The following CEP152 variants were observed in gnomAD, a reference collection of about 807,000 sequenced individuals.
CEP152 encodes the protein centrosomal protein of 152 kDa.
Under a neutral mutation model 188.9 loss-of-function variants are expected in CEP152, and 132 were observed. The observed-to-expected ratio is 0.70, with a 90% CI of 0.61 to 0.81. CEP152 has a LOEUF of 0.81. CEP152 is among the 30% of genes least tolerant of loss of function. The probability of loss-of-function intolerance (pLI) is 0.00; values close to 1 mark genes in which losing one functional copy is unlikely to be tolerated. For synonymous variants in CEP152, 649 were observed against 666.6 expected, an observed-to-expected ratio of 0.97 and a Z score of 0.41; for missense variants, 1,914 against 1,969.8, an observed-to-expected ratio of 0.97 and a Z score of 0.54.
Position 48,756,217 on chromosome 15 carries a change from G to A in CEP152, c.3031C>T (p.Gln1011Ter), listed in dbSNP as rs945108502. 6.2e-7 allele frequency: 1 copy of A among 1,612,764 alleles called. No homozygotes were observed. Among genetic ancestry groups the A allele is most frequent in the Non-Finnish European group, 8.5e-7 (1 of 1,179,272 alleles). Residue 1011 changes from glutamine (Q) to a stop codon, truncating the protein, a stop_gained, in exon 20 of 27, where the codon CAG (glutamine) becomes TAG (stop). Transcript: ENST00000380950. LOFTEE classifies it high-confidence loss of function. ...CAAGTTTGTAATTCTGTCTCCTTCTGAAGAAGTAGTTCAGTTTTTTGTTTC... is the reference window on the plus strand; with the variant it reads ...CAAGTTTGTAATTCTGTCTCCTTCTAAAGAAGTAGTTCAGTTTTTTGTTTC... ...FMKQKTELLLQKETELQTCLD... is the reference protein window; with the variant it reads ...FMKQKTELLL
At chr15:48,793,509 A>G in intron 6 of CEP152, 48 bp from the exon 7 acceptor site, 1 of 1,524,060 alleles carries the variant, frequency 6.6e-7, no homozygotes, top group East Asian at 2.3e-5. Context: ...CAAAATATAA[A>G]TTTATAGTCA....
chr15:48,756,558 A>G lies in CEP152; in HGVS notation c.2695-5T>C. The stretch of plus-strand genomic sequence containing the variant: ...TTCAGAAACAGCAAATGATATCTAA[A>G]GAACATAACAACATGCATTTTGAAA... On this transcript the variant is annotated splice_region_variant and splice_polypyrimidine_tract_variant and intron_variant, in intron 19 of 26. Coordinates refer to ENST00000380950, the MANE Select transcript of CEP152 (RefSeq NM_001194998.2). 1 of 1,603,118 alleles carries G rather than the reference A, an allele frequency of 6.2e-7. No individual in the cohort carries two copies. The highest frequency in any genetic ancestry group is 8.5e-7 in the Non-Finnish European group (1 of 1,179,642).
At chr15:48,803,670 T>A (rs75993070) in intron 2 of CEP152, among the ~76,000 whole-genome samples, 1 of 152,146 alleles carries the variant, frequency 6.6e-6, no homozygotes, top group African/African-American at 2.4e-5. Flanking sequence ...CAGCATACAA[T>A]CTATCAAAGA....
Position 48,797,319 on chromosome 15 carries a change from A to G in CEP152, c.522T>C (p.Pro174=). 5 of 1,614,104 alleles carry G rather than the reference A, an allele frequency of 3.1e-6. No individual in the cohort carries two copies. Among genetic ancestry groups the G allele is most frequent in the Non-Finnish European group, 4.2e-6 (5 of 1,179,996 alleles). Residue 174 remains proline (P), a synonymous_variant, in exon 5 of 27, where the codon CCT becomes CCC. Transcript: ENST00000380950. ...ACAATACCTGAAAATGGTTCCATTG[A>G]GGATCTGAAAATTTAATTACATTGG... ...QATNVIKFSD[P]QWNHFQGPSC...
In CEP152 at chr15:48,748,597, G is replaced by T; in HGVS notation, c.3480C>A (p.Val1160=). The T allele has an allele frequency of 6.7e-7, 1 of 1,483,646 alleles. No individual in the cohort carries two copies. Among genetic ancestry groups the T allele is most frequent in the Non-Finnish European group, 8.9e-7 (1 of 1,122,748 alleles). The allele number at this position is 1,483,646 out of a possible 1,614,324, so 91.9% of individuals were successfully genotyped here. The part of the protein sequence containing the change: ...ATEAEADKKK[V]LEIKDLCCGH... ...CACAGCATAAATCCTTAATTTCAAG[G>T]ACCTTTTTCTTATCTGCAAAAATTA... The change falls in exon 22 of 27, where the codon GTC becomes GTA. Residue 1160 remains valine, a synonymous_variant. Transcript: ENST00000380950.
At chr15:48,788,694 T>A in intron 9 of CEP152, 107 bp downstream of exon 9, 1 of 1,094,264 alleles carries the variant, frequency 9.1e-7, no homozygotes, top group East Asian at 2.4e-5. Flanking sequence ...ATCTAACATT[T>A]ACTACAAACA....
Position 48,767,009 on chromosome 15 carries a change from T to A in CEP152, c.2280+51A>T, listed in dbSNP as rs759348503. The A allele has an allele frequency of 3.7e-6, 6 of 1,605,972 alleles. No homozygotes were observed. The Admixed American group carries it at 1.0e-4, about 27-fold the overall frequency. On this transcript the variant is annotated intron_variant, in intron 17 of 26. Transcript: ENST00000380950. Reference sequence around the variant, plus strand: ...AATGTATTCGTTTAAATGATAATACTGAGGCTTGAAGAGTGAAAGGATGTC... The same window carrying A: ...AATGTATTCGTTTAAATGATAATACAGAGGCTTGAAGAGTGAAAGGATGTC...
In CEP152 at chr15:48,772,696, T is replaced by C. The variant is rs375226816; in HGVS notation, c.1578-5A>G. The C allele has an allele frequency of 9.3e-6, 15 of 1,611,242 alleles. No individual in the cohort carries two copies. The highest frequency in any genetic ancestry group is 1.0e-5 in the Non-Finnish European group (12 of 1,177,670). On this transcript the variant is annotated splice_polypyrimidine_tract_variant and splice_region_variant and intron_variant, in intron 12 of 26. Transcript: ENST00000380950. ...GGGTCTTCTTCTTGTACAATGCTAA[T>C]GGAGAAATTGTGATTTTTAACATTA...
At chr15:48,755,851 T>A in intron 20 of CEP152, 52 bp downstream of exon 20, 1 of 1,609,254 alleles carries the variant, frequency 6.2e-7, no homozygotes, top group East Asian at 2.2e-5. Context: ...TATATACAAC[T>A]TCTATAATCA....
intron 13 of CEP152, among the ~76,000 whole-genome samples, chr15:48,770,346 G>A (rs778824600): frequency 6.6e-6 from 1 of 151,968 alleles, no homozygotes; most frequent in Admixed American, 6.6e-5. Flanking sequence ...AGAGTAGCTG[G>A]ACAAAAAGAA....
In CEP152 at chr15:48,754,012, T is replaced by C. The variant is rs566937696; in HGVS notation, c.3346-1543A>G. The stretch of plus-strand genomic sequence containing the variant: ...AATTATAAATTATAGTTCCTCACAT[T>C]TACAGCACCTATGTAACAAATTTAA... On this transcript the variant is annotated intron_variant, in intron 20 of 26. Transcript: ENST00000380950. Among the ~76,000 whole-genome samples, 352 of 152,310 alleles carry C rather than the reference T, an allele frequency of 2.3e-3. 1 individual carries two copies. The highest frequency in any genetic ancestry group is 8.3e-3 in the African/African-American group (345 of 41,572).
chr15:48,762,943 A>C (rs937888749), intron 17 of CEP152, among the ~76,000 whole-genome samples: 1 of 152,144 alleles, frequency 6.6e-6, no homozygotes. Context: ...CTTAATATCC[A>C]ACCTTCTGGA....
In CEP152 at chr15:48,788,881, C is replaced by T. The variant is rs748251282; in HGVS notation, c.1093G>A (p.Gly365Ser). The T allele has an allele frequency of 1.9e-6, 3 of 1,613,942 alleles. No individual in the cohort carries two copies. Among genetic ancestry groups the T allele is most frequent in the Admixed American group, 3.3e-5 (2 of 59,990 alleles). ...TGCTCTTCGTACTTCTTTGTGAGGC[C>T]CATAACAATGCTCTCATGCTGTTCT... is the stretch of plus-strand genomic sequence containing the variant. ...AREQHESIVM[G>S]LTKKYEEQVL... The change falls in exon 9 of 27, where the codon GGC becomes AGC. Residue 365 changes from glycine to serine, a missense_variant. Coordinates refer to ENST00000380950, the MANE Select transcript of CEP152 (RefSeq NM_001194998.2).
chr15:48,793,363 G>A lies in CEP152; in HGVS notation c.790C>T (p.Arg264Cys), dbSNP rs146482586. Residue 264 changes from arginine to cysteine, a missense_variant, in exon 7 of 27, where the codon CGT becomes TGT. Coordinates refer to ENST00000380950, the MANE Select transcript of CEP152 (RefSeq NM_001194998.2). ...NLIEKLNESE[R>C]QIRYLNHQLV... ...TGGTGATTCAGATATCGAATTTGAC[G>A]TTCACTTTCATTTAACTTTTCAATT... 37 of 1,613,874 alleles carry A rather than the reference G, an allele frequency of 2.3e-5. No homozygotes were observed. Among genetic ancestry groups the A allele is most frequent in the African/African-American group, 2.1e-4 (16 of 75,010 alleles).
At chr15:48,795,830 A>G (rs927716500) in intron 6 of CEP152, among the ~76,000 whole-genome samples, 180 bp downstream of exon 6, 1 of 152,208 alleles carries the variant, frequency 6.6e-6, no homozygotes, top group Admixed American at 6.5e-5. Context: ...ACTTCATGTC[A>G]GTTTATTCAT....
At chr15:48,734,457 A>G (rs988992270), downstream of CEP152, among the ~76,000 whole-genome samples, 1 of 151,838 alleles carries the variant, frequency 6.6e-6, no homozygotes, top group Non-Finnish European at 1.5e-5. Flanking sequence ...TTAATGCAGA[A>G]GAAGGCAATA....
chr15:48,807,704 T>C (rs1003167028), intron 1 of CEP152, among the ~76,000 whole-genome samples: 4 of 152,176 alleles, frequency 2.6e-5, no homozygotes, highest in African/African-American at 9.7e-5. Flanking sequence ...AGACGAAATA[T>C]GGAATTTGGG....
chr15:48,764,694 T>C (rs1198477054), intron 17 of CEP152, among the ~76,000 whole-genome samples: 3 of 152,198 alleles, frequency 2.0e-5, no homozygotes, highest in African/African-American at 7.2e-5. Context: ...TGAGCCAGGT[T>C]AACATGTGAG....
At chr15:48,773,867 CA>C (rs1895720456) in intron 12 of CEP152, among the ~76,000 whole-genome samples, 2 of 151,970 alleles carry the variant, frequency 1.3e-5, no homozygotes, top group South Asian at 4.2e-4. Context: ...AAACAAAATT[CA>C]AAATGTCTAG....
Sources: allele counts gnomAD v4.1 joint callset (sites outside exome capture counted in the v4.1 genomes callset), GRCh38; gene constraint gnomAD v4.1.1; transcripts MANE v1.5; gene names NCBI Gene and HGNC (gene_info 2026-07-23, HGNC 2026-07-21).